FARS2: variants seen among roughly 807,000 people sequenced by gnomAD.
FARS2 encodes phenylalanyl-tRNA synthetase 2, mitochondrial, also known as phenylalanine--tRNA ligase, mitochondrial.
Under a neutral mutation model 46.4 loss-of-function variants are expected in FARS2, and 40 were observed. The observed-to-expected ratio is 0.86, with a 90% CI of 0.67 to 1.12. The LOEUF is 1.12. Ranked by LOEUF, FARS2 falls within the 50% of genes most tolerant of loss-of-function variation. The pLI, the probability that FARS2 is intolerant of heterozygous loss-of-function variation, is 0.00. For missense variants in FARS2, 513 were observed against 567.9 expected (o/e 0.90, Z 0.98); for synonymous variants, 234 against 214.9 (o/e 1.09, Z -0.78).
chr6:5,718,588 C>G (rs1430909445), intron 6 of FARS2, among the ~76,000 whole-genome samples: 1 of 152,162 alleles, frequency 6.6e-6, no homozygotes, highest in African/African-American at 2.4e-5. Flanking sequence ...AAATTTAAGC[C>G]TGGCAATTCA....
At chr6:5,573,433 T>C (rs563212292) in intron 5 of FARS2, among the ~76,000 whole-genome samples, 1 of 152,182 alleles carries the variant, frequency 6.6e-6, no homozygotes, top group Non-Finnish European at 1.5e-5. Flanking sequence ...TATAGACACG[T>C]GTGTGTATAA....
chr6:5,706,844 C>T (rs1328328717), intron 6 of FARS2, among the ~76,000 whole-genome samples: 11 of 152,214 alleles, frequency 7.2e-5, no homozygotes, highest in African/African-American at 2.2e-4. Context: ...TCAGACAAGG[C>T]TTTGTGAGAC....
At chr6:5,260,863 C>T (rs947673444), upstream of FARS2, 7 of 1,481,292 alleles carry the variant, frequency 4.7e-6, no homozygotes, top group African/African-American at 8.5e-5. Context: ...GCCAGCGGGC[C>T]GGGCCTAAGC....
At chr6:5,575,687 G>A (rs1011255759) in intron 5 of FARS2, among the ~76,000 whole-genome samples, 1 of 152,116 alleles carries the variant, frequency 6.6e-6, no homozygotes, top group African/African-American at 2.4e-5. Context: ...TGTTGTCATA[G>A]CTCTTTGGTC....
intron 4 of FARS2, among the ~76,000 whole-genome samples, chr6:5,523,013 G>A (rs1395108063): frequency 1.3e-5 from 2 of 152,162 alleles, no homozygotes; most frequent in African/African-American, 4.8e-5. Context: ...AGAGAAGGAA[G>A]GTTGAAGTAA....
chr6:5,258,636 T>G (rs1343697176), upstream of FARS2, among the ~76,000 whole-genome samples: 1 of 152,192 alleles, frequency 6.6e-6, no homozygotes, highest in Non-Finnish European at 1.5e-5. Context: ...TAAGTTTATC[T>G]AGGGAGGTAA....
rs368346675 is a variant in FARS2 at position 5,526,137 on chromosome 6, A to G, written c.905-19043A>G. Among the ~76,000 whole-genome samples the G allele has an allele frequency of 1.8e-3, 268 of 152,280 alleles. 1 individual carries two copies. Among genetic ancestry groups the G allele is most frequent in the Admixed American group, 3.5e-3 (53 of 15,302 alleles). ...AGCTGAAGCACAAAAGTTAGAAGTT[A>G]GAGATGGGAGTTTCTCTCAAATTCC... On this transcript the variant is annotated intron_variant, in intron 4 of 6. Transcript: ENST00000274680.
intron 4 of FARS2, among the ~76,000 whole-genome samples, chr6:5,480,436 G>C (rs981286235): frequency 6.6e-6 from 1 of 152,208 alleles, no homozygotes; most frequent in Non-Finnish European, 1.5e-5. Context: ...GGCGCAGAAC[G>C]CATCTGGTTT....
At chr6:5,567,404 G>T (rs1369875731) in intron 5 of FARS2, among the ~76,000 whole-genome samples, 3 of 152,140 alleles carry the variant, frequency 2.0e-5, no homozygotes, top group Non-Finnish European at 4.4e-5. Context: ...GAAATCATTT[G>T]CAAATGTGGC....
chr6:5,719,910 A>T (rs946250757), intron 6 of FARS2, among the ~76,000 whole-genome samples: 3 of 152,224 alleles, frequency 2.0e-5, no homozygotes, highest in Non-Finnish European at 4.4e-5. Flanking sequence ...GTGTGACACA[A>T]ACCTGTTGTG....
chr6:5,261,427 C>T, upstream of FARS2: 1 of 153,188 alleles, frequency 6.5e-6, no homozygotes. Context: ...CCGGGGGATG[C>T]GACGTCTGGG....
At chr6:5,477,952 C>A (rs1032617410) in intron 4 of FARS2, among the ~76,000 whole-genome samples, 12 of 152,082 alleles carry the variant, frequency 7.9e-5, no homozygotes, top group Admixed American at 7.9e-4. Flanking sequence ...CCCAGGAGGT[C>A]GAGGCTGCAG....
intron 4 of FARS2, among the ~76,000 whole-genome samples, chr6:5,497,203 A>C (rs1767523782): frequency 6.6e-6 from 1 of 152,212 alleles, no homozygotes; most frequent in South Asian, 2.1e-4. Context: ...AAATACAACA[A>C]TACATATAAT....
At chr6:5,360,349 A>C (rs568092554) in intron 1 of FARS2, among the ~76,000 whole-genome samples, 5 of 152,304 alleles carry the variant, frequency 3.3e-5, no homozygotes, top group Admixed American at 2.6e-4. Context: ...CCTGTGCCTG[A>C]CCATCTTATA....
intron 4 of FARS2, among the ~76,000 whole-genome samples, chr6:5,433,209 C>G (rs1763327975): frequency 6.6e-6 from 1 of 152,112 alleles, no homozygotes; most frequent in African/African-American, 2.4e-5. Flanking sequence ...ACCCCACGAG[C>G]CTTGGCTTTC....
At chr6:5,410,157 GTTT>G (rs67469826) in intron 3 of FARS2, among the ~76,000 whole-genome samples, 1 of 136,828 alleles carries the variant, frequency 7.3e-6, no homozygotes, top group Non-Finnish European at 1.6e-5. Context: ...GTGTTTTTTT[GTTT>G]TTTTTTTTTT....
chr6:5,479,100 A>G (rs1051170729), intron 4 of FARS2, among the ~76,000 whole-genome samples: 7 of 152,206 alleles, frequency 4.6e-5, no homozygotes, highest in African/African-American at 1.7e-4. Context: ...TGTATCCTGG[A>G]CATACTTGCA....
In FARS2 at chr6:5,630,025, C is replaced by G. The variant is rs1309894343; in HGVS notation, c.1217+16705C>G. Reference sequence around the variant, plus strand: ...GACTTCCTGAGTTTGAGGCAGGACACAGGGGAATGTTACCCTAAGAGCTCA... The same window carrying G: ...GACTTCCTGAGTTTGAGGCAGGACAGAGGGGAATGTTACCCTAAGAGCTCA... On this transcript the variant is annotated intron_variant, in intron 6 of 6. Transcript: ENST00000274680. This position sits in a 1 kb window ranked among gnomAD's most constrained non-coding sequence, Gnocchi z 4.2. Among the ~76,000 whole-genome samples, 1 of 152,122 alleles carries G rather than the reference C, an allele frequency of 6.6e-6. No individual in the cohort carries two copies. Among genetic ancestry groups the G allele is most frequent in the African/African-American group, 2.4e-5 (1 of 41,414 alleles).
At chr6:5,397,733 A>G (rs918115217) in intron 2 of FARS2, among the ~76,000 whole-genome samples, 5 of 152,202 alleles carry the variant, frequency 3.3e-5, no homozygotes, top group African/African-American at 1.2e-4. Flanking sequence ...CTAGAATTCA[A>G]TCTAGGATTA....
Sources: allele counts gnomAD v4.1 joint callset (sites outside exome capture counted in the v4.1 genomes callset), GRCh38; gene constraint gnomAD v4.1.1; non-coding constraint Gnocchi (gnomAD v3.1); transcripts MANE v1.5; gene names NCBI Gene and HGNC (gene_info 2026-07-23, HGNC 2026-07-21).